Variants in AMACR observed in about 807,000 individuals in gnomAD.
AMACR encodes the protein alpha-methylacyl-CoA racemase, also known as 2-methylacyl-CoA racemase.
In AMACR, 18 loss-of-function variants were observed where a neutral mutation model predicts 22.2. The observed-to-expected ratio is 0.81, with a 90% CI of 0.56 to 1.20. AMACR has a LOEUF of 1.20. Among genes scored for constraint, AMACR ranks in the 50% most tolerant of loss-of-function variants. The probability of loss-of-function intolerance (pLI) is 0.00; values close to 1 mark genes in which losing one functional copy is unlikely to be tolerated. For synonymous variants in AMACR, 213 were observed against 191.3 expected (o/e 1.11, Z -0.94); for missense variants, 499 against 490.6 (o/e 1.02, Z -0.16).
intron 3 of AMACR, among the ~76,000 whole-genome samples, chr5:34,002,512 T>C (rs1249203021): frequency 1.3e-5 from 2 of 152,210 alleles, no homozygotes; most frequent in African/African-American, 2.4e-5. Flanking sequence ...CCAGGGACCA[T>C]GCTCTTGGGG....
Position 33,987,466 on chromosome 5 carries a change from T to C in AMACR, c.*1627A>G, listed in dbSNP as rs887744243. ...ATTAGAGTGACCTCACAAGAGTATCTCAGAATATTTAAAAATTTGAACACA... is the reference window on the plus strand; with the variant it reads ...ATTAGAGTGACCTCACAAGAGTATCCCAGAATATTTAAAAATTTGAACACA... On this transcript the variant is annotated 3_prime_UTR_variant, in exon 5 of 5. Transcript: ENST00000335606. 6.6e-6 allele frequency: 1 copy of C among 152,232 alleles called. No individual in the cohort carries two copies. Among genetic ancestry groups the C allele is most frequent in the Non-Finnish European group, 1.5e-5 (1 of 68,046 alleles). 9.4% of individuals were successfully genotyped at this position (152,232 alleles called of 1,614,324 possible).
chr5:33,990,456 TACTG>T (rs1024796066), intron 4 of AMACR, among the ~76,000 whole-genome samples: 10 of 152,198 alleles, frequency 6.6e-5, no homozygotes, highest in African/African-American at 2.2e-4. Context: ...GCGTTTCCTT[TACTG>T]ACTATGTGGT....
chr5:33,988,944 C>T lies in AMACR; in HGVS notation c.*149G>A, dbSNP rs1307482684. The T allele has an allele frequency of 6.8e-7, 1 of 1,480,254 alleles. No homozygotes were observed. The highest frequency in any genetic ancestry group is 8.9e-7 in the Non-Finnish European group (1 of 1,119,736). The allele number at this position is 1,480,254 out of a possible 1,614,324, so 91.7% of individuals were successfully genotyped here. Reference sequence around the variant, plus strand: ...AACCATTTTTAGAATTCAATCATCACTGTAGAATCAGAGTCTGTAATTCTT... The same window carrying T: ...AACCATTTTTAGAATTCAATCATCATTGTAGAATCAGAGTCTGTAATTCTT... On this transcript the variant is annotated 3_prime_UTR_variant, in exon 5 of 5. Transcript: ENST00000335606.
In AMACR at chr5:33,986,353, A is replaced by G. The variant is rs1753290927; in HGVS notation, c.*2740T>C. On this transcript the variant is annotated 3_prime_UTR_variant, in exon 5 of 5. Coordinates refer to ENST00000335606, the MANE Select transcript of AMACR (RefSeq NM_014324.6). ...ACTTAACACATTTTACAATGAGATA[A>G]TTCTGGGTTTATTCCATATCCTGTG... The G allele has an allele frequency of 6.6e-6, 1 of 152,256 alleles. No individual in the cohort carries two copies. Among genetic ancestry groups the G allele is most frequent in the South Asian group, 2.1e-4 (1 of 4,830 alleles). 9.4% of individuals were successfully genotyped at this position (152,256 alleles called of 1,614,324 possible).
chr5:33,996,197 G>C (rs566048243), intron 4 of AMACR, among the ~76,000 whole-genome samples: 2 of 152,184 alleles, frequency 1.3e-5, no homozygotes, highest in African/African-American at 2.4e-5. Context: ...TATCGCAGCT[G>C]TCTTAGGTGG....
At position 34,004,743 on chromosome 5, in the gene AMACR, T is replaced by C. The variant is rs1753922002; in HGVS notation, c.392-9A>G. 6.2e-7 allele frequency: 1 copy of C among 1,614,036 alleles called. No individual in the cohort carries two copies. Among genetic ancestry groups the C allele is most frequent in the Non-Finnish European group, 8.5e-7 (1 of 1,179,922 alleles). On this transcript the variant is annotated splice_polypyrimidine_tract_variant and intron_variant, in intron 2 of 4. Transcript: ENST00000335606. ...AATTTTTGAGAGAACACCTACATCA[T>C]TAAAAACAAATTTAATGTCTCTTTT...
At chr5:33,999,796 C>G (rs3932207) in intron 3 of AMACR, among the ~76,000 whole-genome samples, 3,911 of 152,250 alleles carry the variant, frequency 0.026, 79 homozygotes, top group Middle Eastern at 0.12. Context: ...AAATTTCACG[C>G]ACATCTGAAT....
chr5:33,993,215 T>C (rs914563224), intron 4 of AMACR, among the ~76,000 whole-genome samples: 1 of 152,256 alleles, frequency 6.6e-6, no homozygotes, highest in African/African-American at 2.4e-5. Flanking sequence ...CTCAGCATAA[T>C]GTCTTCAAGA....
At chr5:33,998,889 C>T in intron 3 of AMACR, 62 bp from the exon 4 acceptor site, 2 of 1,530,336 alleles carry the variant, frequency 1.3e-6, no homozygotes, top group Non-Finnish European at 1.8e-6. Flanking sequence ...ATGAATAATT[C>T]CTCCCATTCA....
intron 4 of AMACR, among the ~76,000 whole-genome samples, chr5:33,995,703 C>T (rs938108945): frequency 6.6e-6 from 1 of 152,292 alleles, no homozygotes; most frequent in Middle Eastern, 3.4e-3. Context: ...TTTAAAATAA[C>T]AGGATACACC....
In AMACR at chr5:33,995,716, G is replaced by C. The variant is rs189754208; in HGVS notation, c.739+2925C>G. On this transcript the variant is annotated intron_variant, in intron 4 of 4. Transcript: ENST00000335606. ...GTTTTAAAATAACAGGATACACCAAGGAAGGGAGTTAACTCCAGAGTGGCA... is the reference window on the plus strand; with the variant it reads ...GTTTTAAAATAACAGGATACACCAACGAAGGGAGTTAACTCCAGAGTGGCA... Among the ~76,000 whole-genome samples, 5 of 152,334 alleles carry C rather than the reference G, an allele frequency of 3.3e-5. No homozygotes were observed. In the East Asian group the frequency reaches 9.6e-4, roughly 29 times the overall value.
chr5:34,006,045 G>T, intron 1 of AMACR, 146 bp from the exon 2 acceptor site: 1 of 960,386 alleles, frequency 1.0e-6, no homozygotes, highest in Non-Finnish European at 1.5e-6. Flanking sequence ...CAGCAGTTAA[G>T]GACTCAAAGA....
chr5:34,002,785 C>T (rs1021734742), intron 3 of AMACR, among the ~76,000 whole-genome samples: 4 of 152,120 alleles, frequency 2.6e-5, no homozygotes, highest in Admixed American at 1.3e-4. Flanking sequence ...GCCATGAGTA[C>T]GCCAAGAGCT....
chr5:34,005,823 A>T lies in AMACR; in HGVS notation c.324T>A (p.Ser108Arg), dbSNP rs150819480. The T allele has an allele frequency of 6.2e-7, 1 of 1,614,098 alleles. No homozygotes were observed. ...AGAAGCTTCCTGACTGGCCAAATCC[A>T]CTCAGCCTGGCATAAATAAGCCTTG... ...ENPRLIYARL[S>R]GFGQSGSFCR... Residue 108 changes from serine to arginine, a missense_variant, in exon 2 of 5, where the codon AGT (serine) becomes AGA (arginine). Ser to Arg is a moderately radical substitution (Grantham distance 110). Transcript: ENST00000335606.
intron 4 of AMACR, among the ~76,000 whole-genome samples, chr5:33,996,638 T>TCCAGGTGTGGTAGTGCG (rs11272840): frequency 6.6e-6 from 1 of 151,888 alleles, no homozygotes; most frequent in African/African-American, 2.4e-5. Flanking sequence ...ATAAAAAATT[T>TCCAGGTGTGGTAGTGCG]TGCCTATAGT....
At chr5:34,003,460 T>C (rs1296818389) in intron 3 of AMACR, among the ~76,000 whole-genome samples, 2 of 152,112 alleles carry the variant, frequency 1.3e-5, no homozygotes, top group Middle Eastern at 3.2e-3. Context: ...TGCTATGAGG[T>C]GGATGTCATT....
Position 34,007,866 on chromosome 5 carries a change from A to G in AMACR, c.154T>C (p.Ser52Pro), listed in dbSNP as rs121917814. The change falls in exon 1 of 5, where the codon TCG becomes CCG. Residue 52 changes from serine to proline, a missense_variant. Transcript: ENST00000335606. Reference protein sequence around the residue: ...DVSRLGRGKRSLVLDLKQPRG... With the variant: ...DVSRLGRGKRPLVLDLKQPRG... ...GGCTGCTTCAGGTCCAGCACTAGCG[A>G]GCGCTTGCCCCGGCCCAAGCGGCTC... 1,329 of 1,589,586 alleles carry G rather than the reference A, an allele frequency of 8.4e-4. No homozygotes were observed. Among genetic ancestry groups the G allele is most frequent in the Non-Finnish European group, 1.1e-3 (1,267 of 1,170,510 alleles).
At chr5:34,004,823 C>G in intron 2 of AMACR, 89 bp from the exon 3 acceptor site, 1 of 1,441,160 alleles carries the variant, frequency 6.9e-7, no homozygotes, top group Non-Finnish European at 9.6e-7. Flanking sequence ...AATAATCAAT[C>G]TCTCCAGCAG....
intron 3 of AMACR, among the ~76,000 whole-genome samples, chr5:34,003,662 C>CA (rs1753885140): frequency 6.6e-6 from 1 of 152,212 alleles, no homozygotes; most frequent in South Asian, 2.1e-4. Context: ...GAGCCAGCCT[C>CA]AACTTCTCCC....
Sources: allele counts gnomAD v4.1 joint callset (sites outside exome capture counted in the v4.1 genomes callset), GRCh38; gene constraint gnomAD v4.1.1; transcripts MANE v1.5; gene names NCBI Gene and HGNC (gene_info 2026-07-23, HGNC 2026-07-21).